The following BCAS3 variants were observed in gnomAD, a reference collection of about 807,000 sequenced individuals.
BCAS3 encodes BCAS4/BCAS3 fusion.
BCAS3 carries 53 observed loss-of-function variants against 116.1 expected under a neutral mutation model. That is an observed-to-expected ratio of 0.46 (90% CI 0.37 to 0.57). The LOEUF (loss-of-function observed/expected upper bound fraction) is 0.57, where lower values mean the gene tolerates loss of function less well. BCAS3 is among the 20% of genes least tolerant of loss of function. The probability of loss-of-function intolerance (pLI) is 0.00; values close to 1 mark genes in which losing one functional copy is unlikely to be tolerated. For synonymous variants in BCAS3, 391 were observed against 408.2 expected, an observed-to-expected ratio of 0.96 and a Z score of 0.51; for missense variants, 917 against 1,165.4, an observed-to-expected ratio of 0.79 and a Z score of 3.10.
intron 6 of BCAS3, among the ~76,000 whole-genome samples, chr17:60,763,234 T>A (rs1285152849): frequency 6.6e-6 from 1 of 152,176 alleles, no homozygotes; most frequent in African/African-American, 2.4e-5. Context: ...AACACTATGT[T>A]GAATAGGAGT....
At chr17:61,342,509 G>A (rs748266104) in intron 22 of BCAS3, among the ~76,000 whole-genome samples, 20 of 152,192 alleles carry the variant, frequency 1.3e-4, no homozygotes, top group Admixed American at 2.0e-4. Context: ...GTGAGGCAGT[G>A]TGGCAGTCCA....
intron 12 of BCAS3, among the ~76,000 whole-genome samples, chr17:60,911,125 T>TTTTTTTTC (rs1555609265): frequency 8.5e-6 from 1 of 118,188 alleles, no homozygotes; most frequent in African/African-American, 3.3e-5. Context: ...TTTTCTTTCT[T>TTTTTTTTC]TTTTTTTTTT....
At chr17:61,169,605 T>C (rs1202778025) in intron 22 of BCAS3, among the ~76,000 whole-genome samples, 1 of 152,174 alleles carries the variant, frequency 6.6e-6, no homozygotes, top group African/African-American at 2.4e-5. Context: ...CAGTGTACTT[T>C]AGAAGCACTC....
At chr17:60,866,998 A>G (rs1427293971) in intron 7 of BCAS3, among the ~76,000 whole-genome samples, 1 of 152,024 alleles carries the variant, frequency 6.6e-6, no homozygotes, top group Admixed American at 6.6e-5. Flanking sequence ...ATGCATTTCC[A>G]TATACATTCT....
chr17:61,069,040 A>G (rs1393949233), intron 19 of BCAS3, among the ~76,000 whole-genome samples: 1 of 152,210 alleles, frequency 6.6e-6, no homozygotes, highest in Non-Finnish European at 1.5e-5. Context: ...ATTTAAAGAA[A>G]AAGCCAAAGA....
In BCAS3 at chr17:61,136,834, C is replaced by G. The variant is rs931681423; in HGVS notation, c.2425+52270C>G. On this transcript the variant is annotated intron_variant, in intron 22 of 23. Coordinates refer to ENST00000407086, the MANE Select transcript of BCAS3 (RefSeq NM_017679.5). This position sits in a 1 kb window ranked among gnomAD's most constrained non-coding sequence, Gnocchi z 4.4. ...TCGGCCTCCCAAAGTCCTGAGATTA[C>G]AGGTGTGAGCCACTGTGCTCAGCCA... Among the ~76,000 whole-genome samples, 8 of 152,166 alleles carry G rather than the reference C, an allele frequency of 5.3e-5. No homozygotes were observed. The highest frequency in any genetic ancestry group is 1.2e-4 in the Non-Finnish European group (8 of 68,020).
At chr17:61,230,204 T>C (rs894379686) in intron 22 of BCAS3, among the ~76,000 whole-genome samples, 1 of 152,078 alleles carries the variant, frequency 6.6e-6, no homozygotes, top group African/African-American at 2.4e-5. Context: ...ATATGTATAC[T>C]TTGTTTTAAT....
chr17:60,955,354 A>G (rs1394930929), intron 14 of BCAS3, among the ~76,000 whole-genome samples: 1 of 150,926 alleles, frequency 6.6e-6, no homozygotes, highest in Non-Finnish European at 1.5e-5. Context: ...TGTCCCAGTA[A>G]CTAGCTAAAG....
At chr17:61,108,907 G>A (rs949592425) in intron 22 of BCAS3, among the ~76,000 whole-genome samples, 6 of 152,120 alleles carry the variant, frequency 3.9e-5, no homozygotes, top group African/African-American at 1.4e-4. Context: ...ATACTCTCCA[G>A]CTGGGCACGG....
chr17:61,351,741 G>A lies in BCAS3; in HGVS notation c.2426-16586G>A, dbSNP rs570002001. Reference sequence around the variant, plus strand: ...CTCAGAATGGCTTAACCAGGAGGATGTAAGGAGGTGCTAAATGAAGAGAAG... The same window carrying A: ...CTCAGAATGGCTTAACCAGGAGGATATAAGGAGGTGCTAAATGAAGAGAAG... On this transcript the variant is annotated intron_variant, in intron 22 of 23. Transcript: ENST00000407086. Among the ~76,000 whole-genome samples the A allele has an allele frequency of 2.0e-5, 3 of 152,318 alleles. No homozygotes were observed. In the South Asian group the frequency reaches 6.2e-4, roughly 32 times the overall value.
At chr17:60,818,848 A>G (rs984330497) in intron 7 of BCAS3, among the ~76,000 whole-genome samples, 1 of 152,158 alleles carries the variant, frequency 6.6e-6, no homozygotes, top group Non-Finnish European at 1.5e-5. Flanking sequence ...TTATGCTGAC[A>G]GCTGCCGCAC....
Position 61,128,598 on chromosome 17 carries a change from A to C in BCAS3, c.2425+44034A>C, listed in dbSNP as rs2076167868. ...CACTTATAAAATAAAAAAAGTATGGAGAGAGAGAAAGCAAGTAACCCAGCA... is the reference window on the plus strand; with the variant it reads ...CACTTATAAAATAAAAAAAGTATGGCGAGAGAGAAAGCAAGTAACCCAGCA... On this transcript the variant is annotated intron_variant, in intron 22 of 23. Transcript: ENST00000407086. The surrounding 1 kb of genome is among the most constrained non-coding windows in gnomAD (Gnocchi z 4.1). The C allele has an allele frequency of 4.1e-6, 4 of 984,972 alleles. No individual in the cohort carries two copies. The allele number at this position is 984,972 out of a possible 1,614,324, so 61.0% of individuals were successfully genotyped here.
rs1423783680 is a variant in BCAS3 at position 61,180,300 on chromosome 17, TA to T, written c.2425+95743del. 6.6e-6 allele frequency among the ~76,000 whole-genome samples: 1 copy of T among 152,092 alleles called. No individual in the cohort carries two copies. The highest frequency in any genetic ancestry group is 1.5e-5 in the Non-Finnish European group (1 of 68,008). The stretch of plus-strand genomic sequence containing the variant: ...TCAGATAATGATGTATTATTTCACT[TA>T]AAAAAATCTTGGAAGATAAACCAAG... On this transcript the variant is annotated intron_variant, in intron 22 of 23. Transcript: ENST00000407086. The surrounding 1 kb of genome is among the most constrained non-coding windows in gnomAD (Gnocchi z 6.0).
intron 22 of BCAS3, among the ~76,000 whole-genome samples, chr17:61,179,859 T>C (rs1006430489): frequency 2.7e-5 from 4 of 147,516 alleles, no homozygotes; most frequent in Non-Finnish European, 5.9e-5. Flanking sequence ...TATCACTGTT[T>C]TTCTCTCTCT....
intron 14 of BCAS3, among the ~76,000 whole-genome samples, chr17:60,987,623 T>G (rs2063227687): frequency 1.3e-5 from 2 of 152,134 alleles, no homozygotes; most frequent in Admixed American, 1.3e-4. Flanking sequence ...TAAATTTCTT[T>G]TTCAGATTGT....
chr17:60,975,799 C>A (rs961308202), intron 14 of BCAS3, among the ~76,000 whole-genome samples: 1 of 152,018 alleles, frequency 6.6e-6, no homozygotes, highest in Non-Finnish European at 1.5e-5. Flanking sequence ...CAATATGTGG[C>A]CTTTTATGTC....
In BCAS3 at chr17:61,012,459, GAAGACTATTAGAGT is replaced by G. The variant is rs2065176364; in HGVS notation, c.1487-3291_1487-3278del. Among the ~76,000 whole-genome samples, 1 of 151,966 alleles carries G rather than the reference GAAGACTATTAGAGT, an allele frequency of 6.6e-6. No homozygotes were observed. The highest frequency in any genetic ancestry group is 1.5e-5 in the Non-Finnish European group (1 of 67,930). ...ACCTCACTGCTGAAACTACCCTACT[GAAGACTATTAGAGT>G]TAGCTTTTTCTCTGAGTTTGTCTTC... On this transcript the variant is annotated intron_variant, in intron 15 of 23. Coordinates refer to ENST00000407086, the MANE Select transcript of BCAS3 (RefSeq NM_017679.5). This position sits in a 1 kb window ranked among gnomAD's most constrained non-coding sequence, Gnocchi z 4.5.
intron 14 of BCAS3, among the ~76,000 whole-genome samples, chr17:60,975,147 G>A (rs1169335424): frequency 1.3e-5 from 2 of 151,402 alleles, no homozygotes; most frequent in South Asian, 2.1e-4. Context: ...GACTACAGGC[G>A]CCCGCCACCG....
intron 22 of BCAS3, among the ~76,000 whole-genome samples, chr17:61,209,772 G>C (rs999439058): frequency 1.3e-5 from 2 of 152,168 alleles, no homozygotes; most frequent in East Asian, 1.9e-4. Flanking sequence ...CTTCAATAGA[G>C]AGCTTTCATT....
Sources: gnomAD v4.1 joint callset for allele counts (sites outside exome capture counted in the v4.1 genomes callset) on GRCh38, gnomAD v4.1.1 for gene constraint, Gnocchi (gnomAD v3.1) non-coding constraint, MANE v1.5 for transcripts, NCBI Gene and HGNC (gene_info 2026-07-23, HGNC 2026-07-21) for gene names.